KCNMA1: variants seen among roughly 807,000 people sequenced by gnomAD.
KCNMA1 encodes the protein Calcium-activated potassium channel subunit alpha-1.
A neutral mutation model predicts 140.0 loss-of-function variants in KCNMA1; 29 were observed. The ratio of observed to expected loss-of-function variants is 0.21; its 90% CI spans 0.15 to 0.28. The LOEUF (loss-of-function observed/expected upper bound fraction) is 0.28, where lower values mean the gene tolerates loss of function less well. Among genes scored for constraint, KCNMA1 ranks in the 10% least tolerant of loss-of-function variants. The probability of loss-of-function intolerance (pLI) is 1.00; values close to 1 mark genes in which losing one functional copy is unlikely to be tolerated. For synonymous variants in KCNMA1, 612 were observed against 611.9 expected (o/e 1.00, Z 0.00); for missense variants, 880 against 1,602.2 (o/e 0.55, Z 7.70).
intron 1 of KCNMA1, among the ~76,000 whole-genome samples, chr10:77,551,031 T>A (rs2062717614): frequency 1.3e-5 from 2 of 152,152 alleles, no homozygotes; most frequent in South Asian, 4.1e-4. Flanking sequence ...AGGGTCTTGC[T>A]ATGTTGCCCA....
intron 2 of KCNMA1, among the ~76,000 whole-genome samples, chr10:77,374,914 A>C (rs2094976450): frequency 6.6e-6 from 1 of 152,210 alleles, no homozygotes; most frequent in African/African-American, 2.4e-5. Context: ...GCTGCCCCAG[A>C]CACAGCTTCC....
At chr10:77,531,614 C>T (rs2057649181) in intron 1 of KCNMA1, among the ~76,000 whole-genome samples, 1 of 152,248 alleles carries the variant, frequency 6.6e-6, no homozygotes, top group Non-Finnish European at 1.5e-5. Flanking sequence ...CATCCCTCAG[C>T]CCTCCAAGGA....
intron 1 of KCNMA1, chr10:77,636,433 C>G: frequency 2.0e-6 from 3 of 1,536,190 alleles, no homozygotes; most frequent in Non-Finnish European, 2.6e-6. Context: ...GGAAGACGCT[C>G]CGCGTAAAAC....
intron 1 of KCNMA1, among the ~76,000 whole-genome samples, chr10:77,570,921 ACT>A (rs1333754375): frequency 4.1e-5 from 4 of 96,650 alleles, no homozygotes; most frequent in Non-Finnish European, 8.6e-5. Flanking sequence ...ACAGAGCCAG[ACT>A]CTGTCTCAAA....
At chr10:76,920,742 C>T (rs1327844754) in intron 23 of KCNMA1, among the ~76,000 whole-genome samples, 1 of 152,230 alleles carries the variant, frequency 6.6e-6, no homozygotes, top group Non-Finnish European at 1.5e-5. Context: ...CTCCTGACAC[C>T]TGCAGGCTGT....
intron 5 of KCNMA1, among the ~76,000 whole-genome samples, chr10:77,121,577 A>T (rs950054478): frequency 2.6e-5 from 4 of 151,188 alleles, no homozygotes; most frequent in South Asian, 2.1e-4. Flanking sequence ...CTCCCAATAA[A>T]AAAAAAAAAA....
At chr10:77,249,181 G>A (rs2059216779) in intron 3 of KCNMA1, among the ~76,000 whole-genome samples, 1 of 152,132 alleles carries the variant, frequency 6.6e-6, no homozygotes, top group South Asian at 2.1e-4. Flanking sequence ...TTCCATCCTT[G>A]GGATAGACTA....
At chr10:77,214,197 C>T (rs1324610597) in intron 3 of KCNMA1, among the ~76,000 whole-genome samples, 1 of 152,180 alleles carries the variant, frequency 6.6e-6, no homozygotes, top group Non-Finnish European at 1.5e-5. Flanking sequence ...TGGCAAACTG[C>T]TATTTTTCTT....
At position 77,105,226 on chromosome 10, in the gene KCNMA1, C is replaced by T. The variant is rs566597488; in HGVS notation, c.1223+3255G>A. On this transcript the variant is annotated intron_variant, in intron 9 of 27. Transcript: ENST00000286628. ...GAGGTGATGAAAATGTTGGGTAAGG[C>T]ACTCTAGGCCCTTGAAATAGTGTTG... Among the ~76,000 whole-genome samples, 16 of 152,296 alleles carry T rather than the reference C, an allele frequency of 1.1e-4. No individual in the cohort carries two copies. The South Asian group carries it at 1.5e-3, about 14-fold the overall frequency.
chr10:77,544,339 T>A (rs2060915942), intron 1 of KCNMA1, among the ~76,000 whole-genome samples: 1 of 152,088 alleles, frequency 6.6e-6, no homozygotes, highest in Admixed American at 6.6e-5. Context: ...AATTCCCAAG[T>A]GGTTGAGAGG....
In KCNMA1 at chr10:77,252,525, TTGTG is replaced by T. The variant is rs139774027; in HGVS notation, c.541-1273_541-1270del. Reference sequence around the variant, plus strand: ...TGTAAAGACTAAGCATGATCAAGCTTTGTGTGTGTGTGTGTGTGTGTGTGTGTGT... The same window carrying T: ...TGTAAAGACTAAGCATGATCAAGCTTTGTGTGTGTGTGTGTGTGTGTGTGT... On this transcript the variant is annotated intron_variant, in intron 2 of 27. Transcript: ENST00000286628. Among the ~76,000 whole-genome samples the T allele has an allele frequency of 2.8e-3, 407 of 145,784 alleles. 5 individuals are homozygous for T. Among genetic ancestry groups the T allele is most frequent in the Middle Eastern group, 0.014 (4 of 286 alleles).
chr10:77,591,460 T>C (rs2079128094), intron 1 of KCNMA1, among the ~76,000 whole-genome samples: 2 of 152,108 alleles, frequency 1.3e-5, no homozygotes, highest in South Asian at 4.1e-4. Context: ...CAACATAGGG[T>C]TGCGAGACCA....
At chr10:77,318,031 T>A (rs2081332835) in intron 2 of KCNMA1, among the ~76,000 whole-genome samples, 1 of 152,154 alleles carries the variant, frequency 6.6e-6, no homozygotes, top group Middle Eastern at 3.2e-3. Flanking sequence ...AAGTCTTGGG[T>A]AAATGTTACT....
At chr10:77,321,348 C>T (rs2082279815) in intron 2 of KCNMA1, among the ~76,000 whole-genome samples, 1 of 152,198 alleles carries the variant, frequency 6.6e-6, no homozygotes, top group South Asian at 2.1e-4. Flanking sequence ...CTGCCATACC[C>T]AGAGGAGAAA....
At chr10:77,439,184 T>C (rs1195323445) in intron 1 of KCNMA1, among the ~76,000 whole-genome samples, 1 of 146,162 alleles carries the variant, frequency 6.8e-6, no homozygotes, top group Non-Finnish European at 1.5e-5. Flanking sequence ...GAAGAGAAGA[T>C]TCCAAACATA....
intron 2 of KCNMA1, among the ~76,000 whole-genome samples, chr10:77,394,262 A>C (rs187319245): frequency 7.0e-4 from 107 of 152,084 alleles, no homozygotes; most frequent in Admixed American, 1.6e-3. Context: ...TTGATTTCTG[A>C]AACTCTCCTT....
chr10:77,209,632 C>T (rs1469449036), intron 3 of KCNMA1, among the ~76,000 whole-genome samples: 1 of 151,760 alleles, frequency 6.6e-6, no homozygotes, highest in South Asian at 2.1e-4. Flanking sequence ...GTTGGCTCTT[C>T]GAAAGAATAT....
intron 10 of KCNMA1, 83 bp downstream of exon 10, chr10:77,090,317 C>T (rs2096783375): frequency 1.0e-6 from 1 of 960,346 alleles, no homozygotes; most frequent in Admixed American, 1.7e-5. Context: ...TTCCCCAAGA[C>T]CTCCACTCTT....
intron 1 of KCNMA1, 144 bp downstream of exon 1, chr10:77,637,121 G>T: frequency 7.9e-7 from 1 of 1,266,414 alleles, no homozygotes; most frequent in Non-Finnish European, 1.1e-6. Flanking sequence ...CACCGGGAGA[G>T]CCGAGGGAAG....
Sources: gnomAD v4.1 joint callset for allele counts (sites outside exome capture counted in the v4.1 genomes callset) on GRCh38, gnomAD v4.1.1 for gene constraint, MANE v1.5 for transcripts, NCBI Gene and HGNC (gene_info 2026-07-23, HGNC 2026-07-21) for gene names.